The following RNF130 variants were observed in gnomAD, a reference collection of about 807,000 sequenced individuals.
The protein encoded by RNF130 is ring finger protein 130.
A neutral mutation model predicts 44.6 loss-of-function variants in RNF130; 21 were observed. The ratio of observed to expected loss-of-function variants is 0.47; its 90% CI spans 0.33 to 0.68. The LOEUF is 0.68. Ranked by LOEUF, RNF130 falls within the 30% of genes least tolerant of loss-of-function variation. RNF130 has a pLI of 0.02. For synonymous variants in RNF130, 214 were observed against 210.4 expected, an observed-to-expected ratio of 1.02 and a Z score of -0.15; for missense variants, 479 against 560.6, an observed-to-expected ratio of 0.85 and a Z score of 1.47.
chr5:179,986,801 T>C (rs1185881498), intron 3 of RNF130, among the ~76,000 whole-genome samples: 1 of 152,260 alleles, frequency 6.6e-6, no homozygotes, highest in Non-Finnish European at 1.5e-5. Flanking sequence ...ATGTATTTTA[T>C]ACATGATGAC....
intron 7 of RNF130, among the ~76,000 whole-genome samples, chr5:179,945,294 A>G (rs543857262): frequency 6.6e-6 from 1 of 152,198 alleles, no homozygotes; most frequent in East Asian, 1.9e-4. Flanking sequence ...CACCTGGGAA[A>G]ACAGTGGGAC....
rs111727034 is a variant in RNF130, at chr5:180,050,649, T to C, written c.248-10002A>G. ...TTTCCCTCCTCCTTATTCTACATCC[T>C]TCAGAAGTTCTTTCAATGAGGATCT... On this transcript the variant is annotated intron_variant, in intron 1 of 8. Transcript: ENST00000521389. 5.2e-3 allele frequency among the ~76,000 whole-genome samples: 790 copies of C among 152,352 alleles called. 5 individuals carry two copies. The highest frequency in any genetic ancestry group is 0.018 in the African/African-American group (745 of 41,584).
At position 179,937,950 on chromosome 5, in the gene RNF130, G is replaced by A. The variant is rs1561662793; in HGVS notation, c.1151-17524C>T. Among the ~76,000 whole-genome samples the A allele has an allele frequency of 2.0e-5, 3 of 151,040 alleles. No individual in the cohort carries two copies. The East Asian group carries it at 5.8e-4, about 29-fold the overall frequency. On this transcript the variant is annotated intron_variant, in intron 7 of 7. Coordinates refer to the RNF130 transcript ENST00000522208. ...TGTGTGTGTGAGAGAGAGAGAGAGA[G>A]AGAGAGAGAGAGAGAGAGAGACAGA...
intron 7 of RNF130, among the ~76,000 whole-genome samples, chr5:179,941,803 G>T (rs1437787219): frequency 1.3e-5 from 2 of 152,108 alleles, no homozygotes; most frequent in East Asian, 3.9e-4. Context: ...AAGCTAGTCT[G>T]ACATTACCAG....
exon 8 of RNF130, chr5:179,919,598 G>A (rs906573866): frequency 3.9e-5 from 6 of 152,364 alleles, no homozygotes; most frequent in African/African-American, 1.4e-4. Flanking sequence ...CTGCAGGGAC[G>A]GAGGGGCCTT....
chr5:180,027,187 G>C (rs1764010860), intron 2 of RNF130, among the ~76,000 whole-genome samples: 1 of 152,130 alleles, frequency 6.6e-6, no homozygotes, highest in African/African-American at 2.4e-5. Context: ...CCTTGAGACT[G>C]TCTGGGGTGG....
rs1271308548 is a variant in RNF130, at chr5:179,977,803, G to A, written c.848+400C>T. On this transcript the variant is annotated intron_variant, in intron 5 of 8. Coordinates refer to ENST00000521389, the MANE Select transcript of RNF130 (RefSeq NM_018434.6). This position sits in a 1 kb window ranked among gnomAD's most constrained non-coding sequence, Gnocchi z 4.1. ...GGAGGCGGAGCTTGCAGTGAGCCGAGATTGCGCCACTGCACACTCCAGCCT... is the reference window on the plus strand; with the variant it reads ...GGAGGCGGAGCTTGCAGTGAGCCGAAATTGCGCCACTGCACACTCCAGCCT... Among the ~76,000 whole-genome samples the A allele has an allele frequency of 3.3e-5, 5 of 152,208 alleles. No homozygotes were observed. Among genetic ancestry groups the A allele is most frequent in the Non-Finnish European group, 7.3e-5 (5 of 68,032 alleles).
At chr5:179,943,456 T>C (rs981480861) in intron 7 of RNF130, among the ~76,000 whole-genome samples, 2 of 152,226 alleles carry the variant, frequency 1.3e-5, no homozygotes, top group African/African-American at 4.8e-5. Flanking sequence ...ATTTAAACTG[T>C]AATCAGTTTT....
chr5:179,968,281 C>T (rs1389908861), intron 6 of RNF130, among the ~76,000 whole-genome samples: 1 of 147,386 alleles, frequency 6.8e-6, no homozygotes, highest in Non-Finnish European at 1.5e-5. Flanking sequence ...GGCGACAGAG[C>T]AAGACTGTCT....
At chr5:179,936,227 T>C (rs1761890053) in intron 7 of RNF130, among the ~76,000 whole-genome samples, 1 of 152,120 alleles carries the variant, frequency 6.6e-6, no homozygotes, top group African/African-American at 2.4e-5. Context: ...GCTCAAGCAA[T>C]CTGAGGCCTC....
chr5:180,061,957 A>C (rs1764996025), intron 1 of RNF130, among the ~76,000 whole-genome samples: 1 of 151,904 alleles, frequency 6.6e-6, no homozygotes, highest in African/African-American at 2.4e-5. Context: ...GCACCAGCAG[A>C]TGTGGTGTCA....
At chr5:180,054,302 G>C (rs4340879) in intron 1 of RNF130, among the ~76,000 whole-genome samples, 1 of 151,886 alleles carries the variant, frequency 6.6e-6, no homozygotes, top group African/African-American at 2.4e-5. Flanking sequence ...TGATACAATC[G>C]CTTTCTTCCC....
intron 1 of RNF130, among the ~76,000 whole-genome samples, chr5:180,056,923 A>T (rs1764838210): frequency 6.6e-6 from 1 of 152,250 alleles, no homozygotes; most frequent in African/African-American, 2.4e-5. Flanking sequence ...AAGAAGGCAT[A>T]CCGTGATTCC....
intron 7 of RNF130, among the ~76,000 whole-genome samples, chr5:179,936,172 A>G (rs978413998): frequency 1.3e-5 from 2 of 152,126 alleles, no homozygotes; most frequent in Non-Finnish European, 2.9e-5. Flanking sequence ...CCCAGGCTGG[A>G]GTGCAGAGGC....
chr5:179,959,209 G>T (rs1762273725), intron 8 of RNF130, among the ~76,000 whole-genome samples: 1 of 152,116 alleles, frequency 6.6e-6, no homozygotes, highest in Non-Finnish European at 1.5e-5. Flanking sequence ...ATCTTTAAGA[G>T]TCCTTCAAAC....
chr5:179,999,583 T>G (rs906987131), intron 3 of RNF130, among the ~76,000 whole-genome samples: 1 of 152,024 alleles, frequency 6.6e-6, no homozygotes, highest in Non-Finnish European at 1.5e-5. Flanking sequence ...TTAGCCGGGC[T>G]TGGTGGTAGG....
intron 7 of RNF130, among the ~76,000 whole-genome samples, chr5:179,929,928 C>T (rs989069377): frequency 2.0e-5 from 3 of 152,184 alleles, no homozygotes; most frequent in Admixed American, 2.0e-4. Flanking sequence ...TTTAATTTCT[C>T]TCGATAACAC....
In RNF130 at chr5:179,955,647, T is replaced by C. The variant is rs770041480; in HGVS notation, c.*7A>G. The C allele has an allele frequency of 1.3e-6, 2 of 1,586,600 alleles. No individual in the cohort carries two copies. Among genetic ancestry groups the C allele is most frequent in the Non-Finnish European group, 1.7e-6 (2 of 1,167,588 alleles). On this transcript the variant is annotated 3_prime_UTR_variant, in exon 9 of 9. Coordinates refer to ENST00000521389, the MANE Select transcript of RNF130 (RefSeq NM_018434.6). The stretch of plus-strand genomic sequence containing the variant: ...CAAAATCAGTCAGAAAGCAGGTTTT[T>C]TCTTCTTCAAAACCATTCTACCCTA...
intron 3 of RNF130, among the ~76,000 whole-genome samples, chr5:180,000,369 G>A (rs778249708): frequency 3.3e-5 from 5 of 152,140 alleles, no homozygotes; most frequent in East Asian, 1.9e-4. Context: ...AATGTGACAC[G>A]GGGAGGATGT....
Sources: allele counts gnomAD v4.1 joint callset (sites outside exome capture counted in the v4.1 genomes callset), GRCh38; gene constraint gnomAD v4.1.1; non-coding constraint Gnocchi (gnomAD v3.1); transcripts MANE v1.5; gene names NCBI Gene and HGNC (gene_info 2026-07-23, HGNC 2026-07-21).